Variants in CFAP299 observed in about 807,000 individuals in gnomAD.
The protein encoded by CFAP299 is cilia and flagella associated protein 299.
Under a neutral mutation model 27.0 loss-of-function variants are expected in CFAP299, and 21 were observed. The observed-to-expected ratio is 0.78, with a 90% confidence interval of 0.55 to 1.12. The LOEUF (loss-of-function observed/expected upper bound fraction) is 1.12, where lower values mean the gene tolerates loss of function less well. Ranked by LOEUF, CFAP299 falls within the 50% of genes most tolerant of loss-of-function variation. The pLI is 0.00. For missense variants in CFAP299, 310 were observed against 276.6 expected, an observed-to-expected ratio of 1.12 and a Z score of -0.86; for synonymous variants, 104 against 98.1, an observed-to-expected ratio of 1.06 and a Z score of -0.36.
intron 3 of CFAP299, among the ~76,000 whole-genome samples, chr4:80,684,681 T>G (rs114005700): frequency 0.012 from 1,889 of 152,248 alleles, 42 homozygotes; most frequent in African/African-American, 0.043. Flanking sequence ...AAATCTTTTT[T>G]TTGTTGTTGT....
At chr4:80,493,862 G>A (rs909536011) in intron 2 of CFAP299, among the ~76,000 whole-genome samples, 4 of 129,420 alleles carry the variant, frequency 3.1e-5, no homozygotes, top group African/African-American at 9.2e-5. Flanking sequence ...TACAAGCTCC[G>A]CTTCCCGGGT....
chr4:80,776,576 G>A (rs1047744831), intron 3 of CFAP299, among the ~76,000 whole-genome samples: 14 of 151,870 alleles, frequency 9.2e-5, no homozygotes, highest in Non-Finnish European at 1.6e-4. Context: ...TCACACACCC[G>A]GGCCTGTCGG....
At chr4:80,712,763 A>G (rs1384906032) in intron 3 of CFAP299, among the ~76,000 whole-genome samples, 2 of 152,200 alleles carry the variant, frequency 1.3e-5, no homozygotes, top group East Asian at 3.8e-4. Flanking sequence ...GGTGTGCCAT[A>G]AAATGATCTG....
At chr4:80,847,496 G>C (rs926415038) in intron 3 of CFAP299, among the ~76,000 whole-genome samples, 4 of 152,170 alleles carry the variant, frequency 2.6e-5, no homozygotes, top group African/African-American at 9.7e-5. Flanking sequence ...ATAGCTCCAG[G>C]TTCATGCAAT....
chr4:80,606,266 G>T (rs978227674), intron 3 of CFAP299, among the ~76,000 whole-genome samples: 2 of 152,200 alleles, frequency 1.3e-5, no homozygotes, highest in African/African-American at 4.8e-5. Flanking sequence ...GCTGGGCGTG[G>T]TGGCTCACGC....
At chr4:80,644,158 A>C (rs1739864410) in intron 3 of CFAP299, among the ~76,000 whole-genome samples, 1 of 152,188 alleles carries the variant, frequency 6.6e-6, no homozygotes, top group Admixed American at 6.5e-5. Context: ...CCACTTACAG[A>C]GTAATGTGCT....
At position 80,335,776 on chromosome 4, in the gene CFAP299, A is replaced by G. The variant is rs2109961416; in HGVS notation, c.8A>G (p.Gln3Arg). 1 of 1,609,496 alleles carries G rather than the reference A, an allele frequency of 6.2e-7. No homozygotes were observed. The highest frequency in any genetic ancestry group is 1.1e-5 in the South Asian group (1 of 90,986). ...TCGGCCGAGGATACCGCAATGGATC[A>G]GGAAGAGGGGCTGAAGGCCTTGGAC... is the stretch of plus-strand genomic sequence containing the variant. MD[Q>R]EEGLKALDNI... Residue 3 changes from glutamine to arginine, a missense_variant, in exon 1 of 6, where the codon CAG becomes CGG. Physicochemically the swap from Gln to Arg is conservative, Grantham distance 43. Coordinates refer to ENST00000358105, the MANE Select transcript of CFAP299 (RefSeq NM_152770.3).
intron 4 of CFAP299, among the ~76,000 whole-genome samples, chr4:80,912,960 CAG>C (rs1735554422): frequency 1.3e-5 from 2 of 152,126 alleles, no homozygotes; most frequent in African/African-American, 4.8e-5. Flanking sequence ...CCAGCCATAA[CAG>C]AGGTCTTGGT....
chr4:80,386,739 G>A, intron 2 of CFAP299: 1 of 1,520,382 alleles, frequency 6.6e-7, no homozygotes, highest in Non-Finnish European at 9.1e-7. Flanking sequence ...GAGTGGGAGA[G>A]GACATGGGCC....
At chr4:80,856,620 A>C (rs1225566922) in intron 3 of CFAP299, among the ~76,000 whole-genome samples, 1 of 152,076 alleles carries the variant, frequency 6.6e-6, no homozygotes, top group Non-Finnish European at 1.5e-5. Flanking sequence ...CTTTCTACAT[A>C]TGGCTAGCCA....
intron 3 of CFAP299, among the ~76,000 whole-genome samples, chr4:80,705,130 C>T (rs1721746921): frequency 1.3e-5 from 2 of 151,794 alleles, no homozygotes; most frequent in Admixed American, 1.3e-4. Context: ...CCTGTATCTC[C>T]AATTACATTA....
Position 80,870,132 on chromosome 4 carries a change from T to A in CFAP299, c.473T>A (p.Ile158Lys), listed in dbSNP as rs146954507. ...AGACTTCTTCCAAGGCCTACAGATA[T>A]AAGGTAAATTACATACAATTTTTGC... ...KKRLLPRPTD[I>K]SFYNWDADIA... is the part of the protein sequence containing the mutation. Residue 158 changes from isoleucine (I) to lysine (K), a missense_variant, in exon 4 of 6, where the codon ATA becomes AAA. Coordinates refer to ENST00000358105, the MANE Select transcript of CFAP299 (RefSeq NM_152770.3). The A allele has an allele frequency of 1.9e-5, 31 of 1,601,170 alleles. No homozygotes were observed. The African/African-American group carries it at 3.8e-4, about 20-fold the overall frequency.
intron 2 of CFAP299, among the ~76,000 whole-genome samples, chr4:80,415,233 T>C (rs1726938848): frequency 6.6e-6 from 1 of 152,148 alleles, no homozygotes; most frequent in Non-Finnish European, 1.5e-5. Context: ...TCTTTCTGGG[T>C]GAGCTAATGT....
intron 3 of CFAP299, among the ~76,000 whole-genome samples, chr4:80,834,318 C>T (rs1397095089): frequency 6.6e-6 from 1 of 152,148 alleles, no homozygotes; most frequent in Non-Finnish European, 1.5e-5. Context: ...GTAGTCTCCT[C>T]ATCTGTTAAG....
intron 3 of CFAP299, among the ~76,000 whole-genome samples, chr4:80,719,468 G>A (rs1722693821): frequency 6.6e-6 from 1 of 152,054 alleles, no homozygotes; most frequent in South Asian, 2.1e-4. Context: ...TGTACCATTT[G>A]TATTCCCATT....
chr4:80,781,850 C>T (rs1191941057), intron 3 of CFAP299, among the ~76,000 whole-genome samples: 4 of 151,804 alleles, frequency 2.6e-5, no homozygotes, highest in Admixed American at 2.6e-4. Context: ...AAAAAGGTCC[C>T]TTAGAAAGGA....
intron 3 of CFAP299, among the ~76,000 whole-genome samples, chr4:80,661,683 C>G (rs529388724): frequency 4.6e-4 from 70 of 152,166 alleles, no homozygotes; most frequent in African/African-American, 1.7e-3. Flanking sequence ...AATCTGGGCA[C>G]CTTGAAAAAA....
intron 3 of CFAP299, among the ~76,000 whole-genome samples, chr4:80,705,580 C>G (rs1031641591): frequency 7.9e-5 from 12 of 151,900 alleles, no homozygotes; most frequent in African/African-American, 2.6e-4. Flanking sequence ...CAGTGCCAGA[C>G]TAACTGCTGA....
intron 3 of CFAP299, among the ~76,000 whole-genome samples, chr4:80,645,267 A>G (rs1424425705): frequency 6.6e-6 from 1 of 152,146 alleles, no homozygotes; most frequent in Non-Finnish European, 1.5e-5. Context: ...TCTGTATTTA[A>G]GTCAAAACTT....
Sources: gnomAD v4.1 joint callset for allele counts (sites outside exome capture counted in the v4.1 genomes callset) on GRCh38, gnomAD v4.1.1 for gene constraint, MANE v1.5 for transcripts, NCBI Gene and HGNC (gene_info 2026-07-23, HGNC 2026-07-21) for gene names.